The following TMEM217B variants were observed in gnomAD, a reference collection of about 807,000 sequenced individuals.
TMEM217B encodes the protein transmembrane protein 217B, also known as putative transmembrane protein 217B.
the TMEM217B span, among the ~76,000 whole-genome samples, chr6:37,231,816 A>G: frequency 6.7e-6 from 1 of 149,628 alleles, no homozygotes; most frequent in Non-Finnish European, 1.5e-5. Flanking sequence ...TTTTTCAGGA[A>G]ATGGGGCTAC....
chr6:37,215,994 GGTGTGTGT>G, the TMEM217B span, among the ~76,000 whole-genome samples: 18 of 149,080 alleles, frequency 1.2e-4, no homozygotes, highest in African/African-American at 4.0e-4. Context: ...GGTTCTTCAG[GGTGTGTGT>G]GTGTGTGTGT....
the TMEM217B span, among the ~76,000 whole-genome samples, chr6:37,252,499 C>CATAT: frequency 6.6e-6 from 1 of 150,676 alleles, no homozygotes; most frequent in African/African-American, 2.5e-5. Context: ...TACATGTATG[C>CATAT]ATATATATAT....
the TMEM217B span, among the ~76,000 whole-genome samples, chr6:37,221,210 G>A: frequency 2.0e-5 from 3 of 146,998 alleles, no homozygotes; most frequent in African/African-American, 7.5e-5. Context: ...TTTTTGAGAC[G>A]GAGTCTCGCT....
At chr6:37,226,243 T>C in the TMEM217B span, among the ~76,000 whole-genome samples, 1,591 of 148,938 alleles carry the variant, frequency 0.011, 30 homozygotes, top group African/African-American at 0.035. Context: ...TTCTCTTTTT[T>C]TGTTTTGTTT....
At chr6:37,240,916 A>G in the TMEM217B span, among the ~76,000 whole-genome samples, 1 of 152,114 alleles carries the variant, frequency 6.6e-6, no homozygotes, top group African/African-American at 2.4e-5. Flanking sequence ...ACCTAGTAGT[A>G]GGTGAAAATA....
chr6:37,250,352 C>T, the TMEM217B span, among the ~76,000 whole-genome samples: 14 of 152,204 alleles, frequency 9.2e-5, no homozygotes, highest in African/African-American at 1.4e-4. Flanking sequence ...AGTGGGTACA[C>T]GAATGCAAAT....
chr6:37,219,038 C>A, the TMEM217B span: 1 of 1,609,144 alleles, frequency 6.2e-7, no homozygotes, highest in Admixed American at 1.7e-5. Flanking sequence ...CATGCTGAGA[C>A]CTCCTGTGAA....
the TMEM217B span, among the ~76,000 whole-genome samples, chr6:37,246,575 C>T: frequency 6.6e-6 from 1 of 152,048 alleles, no homozygotes; most frequent in Non-Finnish European, 1.5e-5. Context: ...CCCTGCTGTG[C>T]CATTAGGGTC....
At chr6:37,225,741 G>A in the TMEM217B span, among the ~76,000 whole-genome samples, 2 of 152,064 alleles carry the variant, frequency 1.3e-5, no homozygotes, top group East Asian at 1.9e-4. Context: ...TAGACACATG[G>A]CCACCCAGCT....
the TMEM217B span, among the ~76,000 whole-genome samples, chr6:37,232,194 T>A: frequency 6.6e-6 from 1 of 152,126 alleles, no homozygotes; most frequent in Non-Finnish European, 1.5e-5. Flanking sequence ...TTCCAAAAAA[T>A]AGAATTTTCC....
At chr6:37,218,389 C>G in the TMEM217B span, 17 of 1,480,898 alleles carry the variant, frequency 1.1e-5, no homozygotes, top group African/African-American at 2.1e-4. Context: ...CAAGGCCAGG[C>G]TGGTCTTGAA....
chr6:37,222,123 G>A, the TMEM217B span, among the ~76,000 whole-genome samples: 1 of 152,188 alleles, frequency 6.6e-6, no homozygotes, highest in African/African-American at 2.4e-5. Context: ...GGTCTTTTAT[G>A]GACCTCAGAA....
the TMEM217B span, among the ~76,000 whole-genome samples, chr6:37,242,845 C>T: frequency 6.6e-6 from 1 of 152,190 alleles, no homozygotes; most frequent in African/African-American, 2.4e-5. Context: ...CCCAGTGACT[C>T]ACACCAGTAT....
At chr6:37,214,751 A>G in the TMEM217B span, among the ~76,000 whole-genome samples, 1 of 152,116 alleles carries the variant, frequency 6.6e-6, no homozygotes, top group East Asian at 1.9e-4. Flanking sequence ...AAATATTCTT[A>G]TACTTTATTC....
the TMEM217B span, chr6:37,212,739 A>G: frequency 5.9e-6 from 4 of 676,062 alleles, no homozygotes; most frequent in Non-Finnish European, 1.1e-5. Flanking sequence ...TCTTGTGGAT[A>G]CAATAAAAGA....
the TMEM217B span, among the ~76,000 whole-genome samples, chr6:37,213,390 C>A: frequency 1.4e-4 from 21 of 152,330 alleles, 1 homozygote; most frequent in East Asian, 3.9e-3. Context: ...AGTCAGAAAA[C>A]TCTCATGGCT....
chr6:37,252,635 A>ATTTTT, the TMEM217B span, among the ~76,000 whole-genome samples: 6 of 60,382 alleles, frequency 9.9e-5, no homozygotes, highest in African/African-American at 3.0e-4. Context: ...ATATATATAT[A>ATTTTT]TATTTTTTTT....
the TMEM217B span, chr6:37,218,900 T>C: frequency 6.2e-7 from 1 of 1,614,142 alleles, no homozygotes; most frequent in Non-Finnish European, 8.5e-7. Context: ...TGGTGTGATC[T>C]CAGTGCAACT....
At chr6:37,212,848 T>C in the TMEM217B span, 1 of 1,255,884 alleles carries the variant, frequency 8.0e-7, no homozygotes, top group Non-Finnish European at 1.1e-6. Context: ...TGAGTCCACG[T>C]AGATGCTGAA....
Sources: allele counts gnomAD v4.1 joint callset (sites outside exome capture counted in the v4.1 genomes callset), GRCh38; gene constraint gnomAD v4.1.1; transcripts MANE v1.5; gene names NCBI Gene and HGNC (gene_info 2026-07-23, HGNC 2026-07-21).